CTNNA1: variants seen among roughly 807,000 people sequenced by gnomAD.
CTNNA1 encodes catenin alpha-1.
A neutral mutation model predicts 98.4 loss-of-function variants in CTNNA1; 37 were observed. That is an observed-to-expected ratio of 0.38 (90% CI 0.29 to 0.49). CTNNA1 has a LOEUF of 0.49. CTNNA1 is among the 20% of genes least tolerant of loss of function. The probability of loss-of-function intolerance (pLI) is 0.95; values close to 1 mark genes in which losing one functional copy is unlikely to be tolerated. For missense variants in CTNNA1, 761 were observed against 1,147.2 expected, an observed-to-expected ratio of 0.66 and a Z score of 4.86; for synonymous variants, 404 against 413.2, an observed-to-expected ratio of 0.98 and a Z score of 0.27.
chr5:138,776,845 G>T (rs1350380932), intron 1 of CTNNA1, among the ~76,000 whole-genome samples: 2 of 24,144 alleles, frequency 8.3e-5, no homozygotes, highest in Admixed American at 4.2e-4. Context: ...TGGCCGGGCG[G>T]GGGGGCTGAC....
At chr5:138,758,013 CTT>C (rs1225955748) in intron 1 of CTNNA1, among the ~76,000 whole-genome samples, 1 of 147,952 alleles carries the variant, frequency 6.8e-6, no homozygotes. Flanking sequence ...TCTCCTATTT[CTT>C]TTTTTTTTGA....
At chr5:138,858,594 C>CTTTTTCTTTT (rs775638677) in intron 7 of CTNNA1, among the ~76,000 whole-genome samples, 1 of 124,048 alleles carries the variant, frequency 8.1e-6, no homozygotes, top group African/African-American at 3.0e-5. Flanking sequence ...TTTTCTTTTT[C>CTTTTTCTTTT]TTTTTTTTTT....
intron 7 of CTNNA1, among the ~76,000 whole-genome samples, chr5:138,860,547 GT>G (rs1421467234): frequency 1.3e-5 from 2 of 152,050 alleles, no homozygotes; most frequent in Admixed American, 1.3e-4. Context: ...TATCTCTGGA[GT>G]GCAATGACGC....
At chr5:138,791,971 C>A (rs1170533651) in intron 3 of CTNNA1, among the ~76,000 whole-genome samples, 1 of 151,698 alleles carries the variant, frequency 6.6e-6, no homozygotes, top group African/African-American at 2.4e-5. Context: ...TTTTTTAAAT[C>A]TTTAAAGCAT....
intron 5 of CTNNA1, among the ~76,000 whole-genome samples, chr5:138,813,886 G>A (rs759329732): frequency 6.6e-6 from 1 of 152,150 alleles, no homozygotes; most frequent in Non-Finnish European, 1.5e-5. Flanking sequence ...CCAAGGTACT[G>A]GGATTACAGG....
intron 7 of CTNNA1, among the ~76,000 whole-genome samples, chr5:138,885,014 C>T (rs1315406586): frequency 2.6e-5 from 4 of 152,176 alleles, no homozygotes; most frequent in African/African-American, 9.7e-5. Flanking sequence ...ATCAATTTTA[C>T]TTATATTTCA....
At chr5:138,853,019 G>C (rs1226449029) in intron 7 of CTNNA1, among the ~76,000 whole-genome samples, 1 of 152,034 alleles carries the variant, frequency 6.6e-6, no homozygotes, top group Non-Finnish European at 1.5e-5. Context: ...TCATTTTATT[G>C]CTGACTACAC....
In CTNNA1 at chr5:138,781,856, A is replaced by T; in HGVS notation, c.-2-67A>T. The T allele has an allele frequency of 2.1e-6, 3 of 1,431,990 alleles. No individual in the cohort carries two copies. The South Asian group carries it at 4.2e-5, about 20-fold the overall frequency. The allele number at this position is 1,431,990 out of a possible 1,614,324, so 88.7% of individuals were successfully genotyped here. On this transcript the variant is annotated intron_variant, in intron 1 of 17. Coordinates refer to ENST00000302763, the MANE Select transcript of CTNNA1 (RefSeq NM_001903.5). ...TGATGCAAAAGTCCCAAAGTAGGAG[A>T]AGATTTGTTACATATTTCATGTTTG...
chr5:138,817,304 CT>C (rs1759533589), intron 5 of CTNNA1, among the ~76,000 whole-genome samples: 2 of 152,174 alleles, frequency 1.3e-5, no homozygotes, highest in Non-Finnish European at 2.9e-5. Context: ...ATGCTTTTCA[CT>C]TGCTGTCTTT....
At chr5:138,814,258 T>C (rs1759169079) in intron 5 of CTNNA1, among the ~76,000 whole-genome samples, 2 of 151,962 alleles carry the variant, frequency 1.3e-5, no homozygotes, top group Admixed American at 1.3e-4. Context: ...TGCTTTTTTT[T>C]TTTTTTTGAG....
chr5:138,883,461 C>G (rs1753381585), intron 7 of CTNNA1, among the ~76,000 whole-genome samples: 1 of 152,140 alleles, frequency 6.6e-6, no homozygotes, highest in Non-Finnish European at 1.5e-5. Flanking sequence ...GGTAGTTTGA[C>G]AAAGACAGAA....
chr5:138,931,821 C>G (rs1765418030), intron 16 of CTNNA1: 1 of 985,398 alleles, frequency 1.0e-6, no homozygotes, highest in South Asian at 4.7e-5. Context: ...TGCGGGGTCT[C>G]AGTTCATACC....
chr5:138,904,222 GA>G, intron 9 of CTNNA1, 126 bp from the exon 10 acceptor site: 1 of 1,173,746 alleles, frequency 8.5e-7, no homozygotes, highest in East Asian at 2.6e-5. Context: ...ATCAGGCTGT[GA>G]GAAGGGAGGC....
chr5:138,800,462 TCTG>T (rs1757454701), intron 3 of CTNNA1, among the ~76,000 whole-genome samples: 1 of 152,032 alleles, frequency 6.6e-6, no homozygotes, highest in Non-Finnish European at 1.5e-5. Context: ...GGAAGCAGCT[TCTG>T]CTGACCAAGA....
chr5:138,923,918 A>G (rs1351248118), intron 11 of CTNNA1, among the ~76,000 whole-genome samples: 2 of 152,210 alleles, frequency 1.3e-5, no homozygotes, highest in Non-Finnish European at 2.9e-5. Context: ...GGACCCTTCA[A>G]ATATCACAAT....
intron 3 of CTNNA1, among the ~76,000 whole-genome samples, chr5:138,787,373 G>A (rs1242651663): frequency 3.9e-5 from 6 of 151,966 alleles, no homozygotes; most frequent in Admixed American, 3.9e-4. Flanking sequence ...AGCCGAGACC[G>A]TGCCACTGCA....
chr5:138,769,518 T>TTTTTA (rs1753294158), intron 1 of CTNNA1, among the ~76,000 whole-genome samples: 1 of 150,960 alleles, frequency 6.6e-6, no homozygotes. Context: ...CCTCCCGATA[T>TTTTTA]TTTTATTTTA....
chr5:138,810,665 A>G (rs1337602908), intron 4 of CTNNA1, among the ~76,000 whole-genome samples: 1 of 152,228 alleles, frequency 6.6e-6, no homozygotes, highest in Non-Finnish European at 1.5e-5. Context: ...GTACAGAACA[A>G]AATGAAGTTT....
chr5:138,826,989 C>T (rs978358784), intron 6 of CTNNA1, among the ~76,000 whole-genome samples: 1 of 152,150 alleles, frequency 6.6e-6, no homozygotes, highest in African/African-American at 2.4e-5. Context: ...TGCCTCGTTG[C>T]CTAGGCTGGT....
Sources: allele counts gnomAD v4.1 joint callset (sites outside exome capture counted in the v4.1 genomes callset), GRCh38; gene constraint gnomAD v4.1.1; transcripts MANE v1.5; gene names NCBI Gene and HGNC (gene_info 2026-07-23, HGNC 2026-07-21).